The following MICU3 variants were observed in gnomAD, a reference collection of about 807,000 sequenced individuals.
The protein encoded by MICU3 is mitochondrial calcium uptake 3.
MICU3 carries 62 observed loss-of-function variants against 66.5 expected under a neutral mutation model. The observed-to-expected ratio is 0.93, with a 90% CI of 0.76 to 1.15. MICU3 has a LOEUF of 1.15. MICU3 is among the 50% of genes most tolerant of loss of function. MICU3 has a pLI of 0.00. For missense variants in MICU3, 779 were observed against 664.4 expected (o/e 1.17, Z -1.90); for synonymous variants, 308 against 240.7 (o/e 1.28, Z -2.59).
intron 14 of MICU3, among the ~76,000 whole-genome samples, chr8:17,119,348 A>G (rs904391133): frequency 6.6e-6 from 1 of 152,124 alleles, no homozygotes; most frequent in African/African-American, 2.4e-5. Context: ...ACTTGTTTCT[A>G]ATCTCCAAGC....
At chr8:17,136,731 G>C in the MICU3 span, among the ~76,000 whole-genome samples, 1 of 152,042 alleles carries the variant, frequency 6.6e-6, no homozygotes, top group African/African-American at 2.4e-5. Context: ...ACGTGACCCA[G>C]AAAGTCTTCA....
intron 5 of MICU3, among the ~76,000 whole-genome samples, chr8:17,084,959 A>G (rs1436837681): frequency 6.6e-6 from 1 of 152,088 alleles, no homozygotes; most frequent in Non-Finnish European, 1.5e-5. Flanking sequence ...CTTTAAAACA[A>G]ACTAACAGAC....
chr8:17,054,958 C>T (rs866367014), intron 1 of MICU3, among the ~76,000 whole-genome samples: 4 of 151,786 alleles, frequency 2.6e-5, no homozygotes, highest in African/African-American at 4.8e-5. Flanking sequence ...AGGATGGTCT[C>T]GATCTCCTGA....
intron 13 of MICU3, 117 bp from the exon 14 acceptor site, chr8:17,118,590 A>C: frequency 1.7e-6 from 1 of 587,780 alleles, no homozygotes; most frequent in African/African-American, 1.9e-5. Flanking sequence ...AGCCTCTGGT[A>C]ATTAACATTC....
At chr8:17,086,686 C>T (rs1437701983) in intron 6 of MICU3, among the ~76,000 whole-genome samples, 1 of 152,046 alleles carries the variant, frequency 6.6e-6, no homozygotes, top group Admixed American at 6.6e-5. Flanking sequence ...TTTTGGAACT[C>T]ACTCCTTTGG....
chr8:17,030,635 G>A (rs1448329061), intron 1 of MICU3, among the ~76,000 whole-genome samples: 1 of 152,210 alleles, frequency 6.6e-6, no homozygotes, highest in Non-Finnish European at 1.5e-5. Flanking sequence ...AGGTGTAGTA[G>A]TCTTCTGGAA....
chr8:17,077,768 T>G lies in MICU3; in HGVS notation c.568-15T>G, dbSNP rs747548706. 6.3e-7 allele frequency: 1 copy of G among 1,588,672 alleles called. No individual in the cohort carries two copies. The highest frequency in any genetic ancestry group is 8.6e-7 in the Non-Finnish European group (1 of 1,159,056). ...GTTGTTTACCAATTCATCAGTAGTATAACTTCTGTCATAGGAATTAAATCA... is the reference window on the plus strand; with the variant it reads ...GTTGTTTACCAATTCATCAGTAGTAGAACTTCTGTCATAGGAATTAAATCA... On this transcript the variant is annotated splice_polypyrimidine_tract_variant and intron_variant, in intron 3 of 14. Coordinates refer to ENST00000318063, the MANE Select transcript of MICU3 (RefSeq NM_181723.3).
rs761401227 is a variant in MICU3, at chr8:17,098,458, G to A, written c.889G>A (p.Val297Ile). Residue 297 changes from valine (V) to isoleucine (I), a missense_variant and splice_region_variant, in exon 9 of 15, where the codon GTA (valine) becomes ATA (isoleucine). Transcript: ENST00000318063. ...GTTGTGCTTCTTAAAACTTCTACAG[G>A]TACTTAAAACAGATGCTGAGGAACT... Reference protein sequence around the residue: ...LYGYHSPTNSVLKTDAEELVS... With the variant: ...LYGYHSPTNSILKTDAEELVS... 6.3e-7 allele frequency: 1 copy of A among 1,593,782 alleles called. No homozygotes were observed. The highest frequency in any genetic ancestry group is 1.1e-5 in the South Asian group (1 of 90,660).
intron 13 of MICU3, among the ~76,000 whole-genome samples, chr8:17,117,070 T>C (rs1220198524): frequency 6.6e-6 from 1 of 152,128 alleles, no homozygotes; most frequent in African/African-American, 2.4e-5. Context: ...CTTGAACTCC[T>C]GGGCTCAAGT....
intron 2 of MICU3, among the ~76,000 whole-genome samples, chr8:17,069,485 A>G (rs1302904794): frequency 6.6e-6 from 1 of 152,086 alleles, no homozygotes; most frequent in South Asian, 2.1e-4. Context: ...GATACTTACT[A>G]TGAACAGTGC....
chr8:17,069,642 C>T, intron 2 of MICU3, 46 bp from the exon 3 acceptor site: 1 of 1,203,490 alleles, frequency 8.3e-7, no homozygotes, highest in Non-Finnish European at 1.2e-6. Context: ...GATATATATT[C>T]CATGAAGTAT....
At chr8:17,092,583 C>T (rs974030613) in intron 8 of MICU3, among the ~76,000 whole-genome samples, 13 of 151,778 alleles carry the variant, frequency 8.6e-5, no homozygotes, top group African/African-American at 2.7e-4. Flanking sequence ...TTTACATAGT[C>T]TAAAATATTA....
At chr8:17,076,908 A>C (rs897633906) in intron 3 of MICU3, among the ~76,000 whole-genome samples, 1 of 152,162 alleles carries the variant, frequency 6.6e-6, no homozygotes, top group African/African-American at 2.4e-5. Flanking sequence ...GTGTTTGTCT[A>C]ATGTGTTTCT....
chr8:17,071,555 A>G (rs924627087), intron 3 of MICU3, among the ~76,000 whole-genome samples: 1 of 152,138 alleles, frequency 6.6e-6, no homozygotes, highest in African/African-American at 2.4e-5. Flanking sequence ...GGACTTCAAC[A>G]TATGAATCGG....
At chr8:17,044,293 C>A (rs1814698748) in intron 1 of MICU3, among the ~76,000 whole-genome samples, 1 of 152,132 alleles carries the variant, frequency 6.6e-6, no homozygotes, top group African/African-American at 2.4e-5. Flanking sequence ...TGTTTGGTTC[C>A]AGGCTAATAC....
intron 3 of MICU3, among the ~76,000 whole-genome samples, chr8:17,070,605 G>T (rs1819413763): frequency 6.6e-6 from 1 of 150,536 alleles, no homozygotes; most frequent in South Asian, 2.1e-4. Flanking sequence ...ACTTTAAATT[G>T]CATATATATT....
chr8:17,040,409 C>G (rs773456809), intron 1 of MICU3, among the ~76,000 whole-genome samples: 3 of 152,144 alleles, frequency 2.0e-5, no homozygotes, highest in Non-Finnish European at 4.4e-5. Flanking sequence ...TATACAGAAT[C>G]ATTTCATTCA....
chr8:17,108,274 A>C (rs1006858557), intron 11 of MICU3, among the ~76,000 whole-genome samples: 2 of 152,092 alleles, frequency 1.3e-5, no homozygotes, highest in Non-Finnish European at 2.9e-5. Context: ...GGATATGTGA[A>C]TCTAGCGGTC....
chr8:17,055,406 C>G (rs1302792699), intron 1 of MICU3, among the ~76,000 whole-genome samples: 1 of 152,060 alleles, frequency 6.6e-6, no homozygotes, highest in Non-Finnish European at 1.5e-5. Context: ...TCCATGAGTC[C>G]CTGATGTTGT....
Sources: gnomAD v4.1 joint callset for allele counts (sites outside exome capture counted in the v4.1 genomes callset) on GRCh38, gnomAD v4.1.1 for gene constraint, MANE v1.5 for transcripts, NCBI Gene and HGNC (gene_info 2026-07-23, HGNC 2026-07-21) for gene names.